The following LRRC4C variants were observed in gnomAD, a reference collection of about 807,000 sequenced individuals.
The protein encoded by LRRC4C is leucine-rich repeat-containing protein 4C.
Under a neutral mutation model 33.6 loss-of-function variants are expected in LRRC4C, and 5 were observed. The ratio of observed to expected loss-of-function variants is 0.15; its 90% confidence interval spans 0.08 to 0.31. The LOEUF is 0.31. Ranked by LOEUF, LRRC4C falls within the 10% of genes least tolerant of loss-of-function variation. The probability of loss-of-function intolerance (pLI) is 1.00; values close to 1 mark genes in which losing one functional copy is unlikely to be tolerated. For synonymous variants in LRRC4C, 329 were observed against 302.0 expected (o/e 1.09, Z -0.93); for missense variants, 560 against 796.7 (o/e 0.70, Z 3.58).
chr11:40,260,428 T>G (rs919205505), intron 4 of LRRC4C, among the ~76,000 whole-genome samples: 1 of 138,274 alleles, frequency 7.2e-6, no homozygotes, highest in Non-Finnish European at 1.6e-5. Flanking sequence ...GGGGGAGGGA[T>G]AGCATTGGGA....
chr11:41,077,472 C>A (rs900474001), intron 1 of LRRC4C, among the ~76,000 whole-genome samples: 4 of 152,212 alleles, frequency 2.6e-5, no homozygotes, highest in Non-Finnish European at 4.4e-5. Flanking sequence ...GCTGTCAAGG[C>A]TTGGGGCTTG....
chr11:40,839,948 C>T (rs970405394), intron 2 of LRRC4C, among the ~76,000 whole-genome samples: 3 of 152,074 alleles, frequency 2.0e-5, no homozygotes, highest in Non-Finnish European at 4.4e-5. Flanking sequence ...GAGAAATATC[C>T]TATGATATTT....
At chr11:40,816,546 T>C (rs1007662431) in intron 2 of LRRC4C, among the ~76,000 whole-genome samples, 7 of 152,226 alleles carry the variant, frequency 4.6e-5, no homozygotes, top group African/African-American at 1.7e-4. Flanking sequence ...CCTTGATTCA[T>C]TTATAATGCA....
At chr11:41,083,452 C>T (rs922023664) in intron 1 of LRRC4C, among the ~76,000 whole-genome samples, 11 of 152,184 alleles carry the variant, frequency 7.2e-5, no homozygotes, top group Admixed American at 2.0e-4. Context: ...TTTCTCAGCC[C>T]GCCACATTTC....
chr11:40,348,097 T>C (rs1263363389), intron 3 of LRRC4C, among the ~76,000 whole-genome samples: 1 of 152,058 alleles, frequency 6.6e-6, no homozygotes, highest in Non-Finnish European at 1.5e-5. Context: ...CCAAAAACAA[T>C]TACAATAGTA....
At chr11:40,986,855 C>A (rs1853049891) in intron 1 of LRRC4C, among the ~76,000 whole-genome samples, 1 of 152,120 alleles carries the variant, frequency 6.6e-6, no homozygotes, top group Non-Finnish European at 1.5e-5. Flanking sequence ...TTGAATCCTC[C>A]TGATCATATA....
chr11:40,985,879 C>G (rs1852952392), intron 1 of LRRC4C, among the ~76,000 whole-genome samples: 1 of 152,032 alleles, frequency 6.6e-6, no homozygotes, highest in African/African-American at 2.4e-5. Context: ...AACTTGAAAA[C>G]TGTGCTGTTG....
At chr11:40,188,075 A>G (rs990204209) in intron 5 of LRRC4C, among the ~76,000 whole-genome samples, 1 of 152,240 alleles carries the variant, frequency 6.6e-6, no homozygotes, top group African/African-American at 2.4e-5. Flanking sequence ...AGTGAAGAAT[A>G]CTGAAGGAAG....
rs149987309 is a variant in LRRC4C, at chr11:40,180,760, T to C, written c.-95-39907A>G. 4.0e-3 allele frequency among the ~76,000 whole-genome samples: 606 copies of C among 152,332 alleles called. 2 individuals carry two copies. The highest frequency in any genetic ancestry group is 6.3e-3 in the Non-Finnish European group (432 of 68,032). ...GTGTAAGGAGATGTTTGCATGCATG[T>C]GTGTGTGCATGTGTGTATGCATTCG... On this transcript the variant is annotated intron_variant, in intron 5 of 6. Coordinates refer to ENST00000528697, the MANE Select transcript of LRRC4C (RefSeq NM_001258419.2).
chr11:41,104,411 G>A (rs1030757410), intron 1 of LRRC4C, among the ~76,000 whole-genome samples: 1 of 151,774 alleles, frequency 6.6e-6, no homozygotes, highest in African/African-American at 2.4e-5. Flanking sequence ...TTATAATAAG[G>A]TTCAAAATTT....
At chr11:40,914,539 GAC>G in intron 2 of LRRC4C, among the ~76,000 whole-genome samples, 1 of 152,172 alleles carries the variant, frequency 6.6e-6, no homozygotes, top group Non-Finnish European at 1.5e-5. Flanking sequence ...GTATTGATGG[GAC>G]ATATCTCAAA....
chr11:40,708,270 G>T (rs531914594), intron 2 of LRRC4C, among the ~76,000 whole-genome samples: 2 of 151,964 alleles, frequency 1.3e-5, no homozygotes, highest in Non-Finnish European at 2.9e-5. Flanking sequence ...GAATGTGTTT[G>T]CTCTTGCTTC....
intron 5 of LRRC4C, among the ~76,000 whole-genome samples, chr11:40,230,012 A>G (rs764283514): frequency 6.6e-6 from 1 of 152,206 alleles, no homozygotes; most frequent in Non-Finnish European, 1.5e-5. Flanking sequence ...CTCCGTGAAC[A>G]TAAACTGCAG....
intron 2 of LRRC4C, among the ~76,000 whole-genome samples, chr11:40,880,307 C>CGGTAAATAATA: frequency 6.6e-6 from 1 of 152,084 alleles, no homozygotes. Context: ...TTAATCCCCC[C>CGGTAAATAATA]GGTAAATAAT....
intron 5 of LRRC4C, among the ~76,000 whole-genome samples, chr11:40,236,311 G>A (rs540884597): frequency 6.6e-6 from 1 of 152,238 alleles, no homozygotes; most frequent in South Asian, 2.1e-4. Flanking sequence ...AGGAGCTATA[G>A]GTCCTATCAA....
intron 2 of LRRC4C, among the ~76,000 whole-genome samples, chr11:40,849,108 T>C (rs1475262343): frequency 6.6e-6 from 1 of 152,240 alleles, no homozygotes; most frequent in Non-Finnish European, 1.5e-5. Flanking sequence ...TGCCAGTCTG[T>C]GCCTTTTAAT....
intron 1 of LRRC4C, among the ~76,000 whole-genome samples, chr11:41,421,401 A>G (rs896812396): frequency 6.6e-6 from 1 of 152,034 alleles, no homozygotes; most frequent in Non-Finnish European, 1.5e-5. Context: ...TGTGTCAGGA[A>G]AACACTAATT....
At chr11:40,143,303 G>T (rs1857501093) in intron 5 of LRRC4C, among the ~76,000 whole-genome samples, 1 of 152,128 alleles carries the variant, frequency 6.6e-6, no homozygotes, top group African/African-American at 2.4e-5. Context: ...ATTAAAGTCA[G>T]ATCATGTTCC....
chr11:41,011,267 C>A (rs1010147722), intron 1 of LRRC4C, among the ~76,000 whole-genome samples: 1 of 151,972 alleles, frequency 6.6e-6, no homozygotes, highest in African/African-American at 2.4e-5. Context: ...GGGGCTAACA[C>A]CATTATTCAC....
Sources: allele counts gnomAD v4.1 joint callset (sites outside exome capture counted in the v4.1 genomes callset), GRCh38; gene constraint gnomAD v4.1.1; transcripts MANE v1.5; gene names NCBI Gene and HGNC (gene_info 2026-07-23, HGNC 2026-07-21).